The following LTA4H variants were observed in gnomAD, a reference collection of about 807,000 sequenced individuals.
The protein encoded by LTA4H is leukotriene A4 hydrolase, also known as leukotriene A-4 hydrolase.
LTA4H carries 59 observed loss-of-function variants against 89.8 expected under a neutral mutation model. That is an observed-to-expected ratio of 0.66 (90% CI 0.53 to 0.82). The LOEUF (loss-of-function observed/expected upper bound fraction) is 0.82. Among genes scored for constraint, LTA4H ranks in the 40% least tolerant of loss-of-function variants. LTA4H has a pLI of 0.00. For missense variants in LTA4H, 617 were observed against 727.0 expected (o/e 0.85, Z 1.74); for synonymous variants, 227 against 253.1 (o/e 0.90, Z 0.98).
intron 14 of LTA4H, chr12:96,009,680 A>T (rs1950266151): frequency 6.6e-6 from 1 of 152,520 alleles, no homozygotes. Flanking sequence ...AGAAAATGAA[A>T]TTAACACATG....
At chr12:96,036,203 G>A (rs1021691837), upstream of LTA4H, among the ~76,000 whole-genome samples, 1 of 152,178 alleles carries the variant, frequency 6.6e-6, no homozygotes, top group Admixed American at 6.5e-5. Flanking sequence ...TCTCTCAAAC[G>A]GAGAAAGCCA....
chr12:96,036,087 G>A (rs1202801012), upstream of LTA4H, among the ~76,000 whole-genome samples: 1 of 151,630 alleles, frequency 6.6e-6, no homozygotes, highest in Non-Finnish European at 1.5e-5. Context: ...ATTCCCCGAC[G>A]GGGAGGCACA....
At chr12:96,030,948 C>T (rs1156292473) in intron 1 of LTA4H, among the ~76,000 whole-genome samples, 1 of 152,166 alleles carries the variant, frequency 6.6e-6, no homozygotes, top group African/African-American at 2.4e-5. Flanking sequence ...GAATAGCTAA[C>T]TTGTTTTAAA....
At chr12:96,001,163 G>C (rs181102738) in intron 18 of LTA4H, 57 bp from the exon 19 acceptor site, 7 of 1,036,690 alleles carry the variant, frequency 6.8e-6, no homozygotes, top group Non-Finnish European at 1.1e-5. Context: ...CAGAGGAGGA[G>C]AAAGGGAGGG....
chr12:96,036,100 A>C (rs527942255), upstream of LTA4H, among the ~76,000 whole-genome samples: 1 of 149,812 alleles, frequency 6.7e-6, no homozygotes, highest in African/African-American at 2.4e-5. Context: ...GAGGCACAGT[A>C]ATTGTTTTTT....
At chr12:96,035,976 C>T (rs114341364), upstream of LTA4H, among the ~76,000 whole-genome samples, 32 of 152,200 alleles carry the variant, frequency 2.1e-4, no homozygotes, top group East Asian at 3.5e-3. Context: ...CGGGGCGGAG[C>T]AAAAACGTAG....
chr12:96,027,344 TA>T, intron 3 of LTA4H, 99 bp downstream of exon 3: 1 of 1,030,742 alleles, frequency 9.7e-7, no homozygotes, highest in Non-Finnish European at 1.4e-6. Context: ...TTTTATTAGG[TA>T]AAACCTACAT....
At chr12:96,030,392 C>A (rs1253198017) in intron 1 of LTA4H, among the ~76,000 whole-genome samples, 1 of 152,156 alleles carries the variant, frequency 6.6e-6, no homozygotes, top group East Asian at 1.9e-4. Context: ...CAGTTGTATT[C>A]CCTCCCCAGG....
chr12:96,018,154 T>A (rs539392791), intron 8 of LTA4H, among the ~76,000 whole-genome samples: 6 of 152,132 alleles, frequency 3.9e-5, no homozygotes, highest in African/African-American at 1.4e-4. Flanking sequence ...GATACATAAT[T>A]TATCAATGAA....
rs763549757 is a variant in LTA4H, at chr12:96,017,118, A to C, written c.877-4T>G. 2.5e-6 allele frequency: 4 copies of C among 1,595,886 alleles called. No homozygotes were observed. In the African/African-American group the frequency reaches 5.4e-5, roughly 21 times the overall value. On this transcript the variant is annotated splice_polypyrimidine_tract_variant and splice_region_variant and intron_variant, in intron 9 of 18. Transcript: ENST00000228740. The stretch of plus-strand genomic sequence containing the variant: ...GAGATATTTCATGTGCAATGACCTA[A>C]AGAAAACAGTGTGATTAATAGTAAG...
intron 2 of LTA4H, among the ~76,000 whole-genome samples, chr12:96,028,308 C>T (rs1950534686): frequency 6.6e-6 from 1 of 152,174 alleles, no homozygotes; most frequent in Admixed American, 6.5e-5. Flanking sequence ...CCCTATGCCA[C>T]AGTTTCCTTG....
intron 12 of LTA4H, 137 bp from the exon 13 acceptor site, chr12:96,013,990 G>A (rs1032963228): frequency 5.7e-5 from 31 of 543,646 alleles, no homozygotes; most frequent in Non-Finnish European, 9.5e-5. Flanking sequence ...AGGACTTTCA[G>A]AGTGAAAGAA....
rs202063965 is a variant in LTA4H, at chr12:96,003,028, G to A, written c.1650C>T (p.Asp550=). Residue 550 remains aspartate (D), a synonymous_variant, in exon 18 of 19, where the codon GAC becomes GAT. Transcript: ENST00000228740. ...LRLCIQSKWE[D]AIPLALKMAT... is the part of the protein sequence containing the mutation. ...CCATCTTTAGCGCCAAAGGAATTGC[G>A]TCCTCCCACTTGGATTGAATGCAGA... is the stretch of plus-strand genomic sequence containing the variant. 38 of 1,604,558 alleles carry A rather than the reference G, an allele frequency of 2.4e-5. No homozygotes were observed. Among genetic ancestry groups the A allele is most frequent in the Middle Eastern group, 1.6e-4 (1 of 6,076 alleles).
intron 3 of LTA4H, among the ~76,000 whole-genome samples, chr12:96,026,152 T>C (rs897284676): frequency 2.0e-5 from 3 of 152,222 alleles, no homozygotes; most frequent in Non-Finnish European, 4.4e-5. Context: ...TCTCCCAAAA[T>C]AGATTTCCAA....
chr12:96,022,305 T>C lies in LTA4H; in HGVS notation c.481-54A>G. 1 of 1,129,444 alleles carries C rather than the reference T, an allele frequency of 8.9e-7. No individual in the cohort carries two copies. Among genetic ancestry groups the C allele is most frequent in the Non-Finnish European group, 1.3e-6 (1 of 755,912 alleles). 70.0% of individuals were successfully genotyped at this position (1,129,444 alleles called of 1,614,324 possible). ...CATAAATAAAAGCTTCTATGTGTCT[T>C]AAACCATATATGTAAAATAACCTTT... On this transcript the variant is annotated intron_variant, in intron 4 of 18. Coordinates refer to ENST00000228740, the MANE Select transcript of LTA4H (RefSeq NM_000895.3). This position sits in a 1 kb window ranked among gnomAD's most constrained non-coding sequence, Gnocchi z 4.0.
rs752772181 is a variant in LTA4H, at chr12:96,013,830, C to A, written c.1228G>T (p.Ala410Ser). The A allele has an allele frequency of 1.3e-6, 2 of 1,543,550 alleles. No individual in the cohort carries two copies. The highest frequency in any genetic ancestry group is 1.8e-6 in the Non-Finnish European group (2 of 1,127,320). The part of the protein sequence containing the change: ...GPEIFLGFLK[A>S]YVEKFSYKSI... ...TTATAGGAAAACTTCTCAACATAAG[C>A]TTTTAAGAATCCTAGGAAAATCTCT... The change falls in exon 13 of 19, where the codon GCT becomes TCT. Residue 410 changes from alanine (A) to serine (S), a missense_variant. Ala to Ser is a moderately conservative substitution (Grantham distance 99). Around this residue, in one of 3 missense-constraint regions of LTA4H, gnomAD observed 290 missense variants for 339.1 expected, o/e 0.86. Transcript: ENST00000228740.
At position 96,001,004 on chromosome 12, in the gene LTA4H, G is replaced by C. The variant is rs772772254; in HGVS notation, c.1821C>G (p.Asp607Glu). 1.9e-6 allele frequency: 3 copies of C among 1,612,604 alleles called. No individual in the cohort carries two copies. Among genetic ancestry groups the C allele is most frequent in the Non-Finnish European group, 2.5e-6 (3 of 1,178,594 alleles). The change falls in exon 19 of 19, where the codon GAC becomes GAG. Residue 607 changes from aspartate to glutamate, a missense_variant. Coordinates refer to ENST00000228740, the MANE Select transcript of LTA4H (RefSeq NM_000895.3). Reference protein sequence around the residue: ...HPVTAMLVGKDLKVD With the variant: ...HPVTAMLVGKELKVD The stretch of plus-strand genomic sequence containing the variant: ...ACGCAGGTCTTTAATCCACTTTTAA[G>C]TCTTTCCCCACCAGCATTGCAGTCA...
intron 1 of LTA4H, among the ~76,000 whole-genome samples, chr12:96,030,786 T>G (rs1411090515): frequency 2.0e-5 from 3 of 152,146 alleles, no homozygotes; most frequent in African/African-American, 7.2e-5. Context: ...CCCTGGGTAC[T>G]TTCTTTTGGG....
At chr12:96,017,191 T>G (rs1286263751) in intron 9 of LTA4H, 77 bp from the exon 10 acceptor site, 3 of 989,394 alleles carry the variant, frequency 3.0e-6, no homozygotes, top group Non-Finnish European at 4.7e-6. Flanking sequence ...AAACACTCCA[T>G]GTTATTCAAT....
Sources: allele counts gnomAD v4.1 joint callset (sites outside exome capture counted in the v4.1 genomes callset), GRCh38; gene constraint gnomAD v4.1.1; regional missense constraint gnomAD v4.1.1; non-coding constraint Gnocchi (gnomAD v3.1); transcripts MANE v1.5; gene names NCBI Gene and HGNC (gene_info 2026-07-23, HGNC 2026-07-21).